SORD: variants seen among roughly 807,000 people sequenced by gnomAD.
SORD encodes sorbitol dehydrogenase.
SORD carries 18 observed loss-of-function variants against 35.6 expected under a neutral mutation model. That is an observed-to-expected ratio of 0.51 (90% confidence interval 0.35 to 0.75). The LOEUF (loss-of-function observed/expected upper bound fraction) is 0.75. SORD is among the 30% of genes least tolerant of loss of function. SORD has a pLI of 0.01. For synonymous variants in SORD, 106 were observed against 152.9 expected, an observed-to-expected ratio of 0.69 and a Z score of 2.26; for missense variants, 250 against 390.2, an observed-to-expected ratio of 0.64 and a Z score of 3.03.
intron 7 of SORD, among the ~76,000 whole-genome samples, chr15:45,071,086 A>G (rs1893505440): frequency 6.6e-6 from 1 of 152,220 alleles, no homozygotes; most frequent in Non-Finnish European, 1.5e-5. Flanking sequence ...ATGACTGGAT[A>G]GTGTTTGTGA....
chr15:45,038,178 TC>T (rs1892903951), intron 1 of SORD, among the ~76,000 whole-genome samples: 4 of 142,398 alleles, frequency 2.8e-5, no homozygotes, highest in African/African-American at 1.1e-4. Flanking sequence ...CTTCCTTCCT[TC>T]CTTCCTTCCT....
intron 6 of SORD, 43 bp from the exon 7 acceptor site, chr15:45,068,834 T>C (rs528528246): frequency 7.2e-7 from 1 of 1,394,622 alleles, no homozygotes. Context: ...ATCAGATTTC[T>C]CTTGTTTGAA....
Position 45,065,508 on chromosome 15 carries a change from A to C in SORD, c.544+119A>C, listed in dbSNP as rs1893390628. ...GTTCTAGAATCCTTCTGGGTAAGGG[A>C]GGATTGCAGTGTCCCATTCCCTCAG... On this transcript the variant is annotated intron_variant, in intron 5 of 8. Coordinates refer to ENST00000267814, the MANE Select transcript of SORD (RefSeq NM_003104.6). The C allele has an allele frequency of 6.1e-6, 9 of 1,473,438 alleles. No homozygotes were observed. The East Asian group carries it at 2.1e-4, about 34-fold the overall frequency. The allele number at this position is 1,473,438 out of a possible 1,614,324, so 91.3% of individuals were successfully genotyped here.
At chr15:45,060,693 G>A (rs548137041) in intron 3 of SORD, among the ~76,000 whole-genome samples, 47 of 152,332 alleles carry the variant, frequency 3.1e-4, no homozygotes, top group African/African-American at 1.1e-3. Flanking sequence ...AGCAGTGTGA[G>A]ATGGGAATAT....
intron 1 of SORD, among the ~76,000 whole-genome samples, chr15:45,030,919 T>G (rs946353517): frequency 2.0e-5 from 3 of 152,244 alleles, no homozygotes; most frequent in African/African-American, 7.2e-5. Flanking sequence ...AGCCTACTTG[T>G]GCTGACTCCG....
At chr15:45,027,298 C>A (rs550197834) in intron 1 of SORD, among the ~76,000 whole-genome samples, 3 of 152,286 alleles carry the variant, frequency 2.0e-5, no homozygotes, top group Admixed American at 2.0e-4. Flanking sequence ...GTTCCCAAAC[C>A]AGGCTGGGGA....
In SORD at chr15:45,035,473, G is replaced by C. The variant is rs917633991; in HGVS notation, c.67-4935G>C. ...CTGTATCTAGCTAATCTGGGGGGGA[G>C]GTGGAAAACCTTTGTGTCTAGCTCA... On this transcript the variant is annotated intron_variant, in intron 1 of 8. Coordinates refer to ENST00000267814, the MANE Select transcript of SORD (RefSeq NM_003104.6). Among the ~76,000 whole-genome samples the C allele has an allele frequency of 8.5e-5, 13 of 152,112 alleles. No individual in the cohort carries two copies. In the East Asian group the frequency reaches 9.7e-4, roughly 11 times the overall value.
intron 3 of SORD, among the ~76,000 whole-genome samples, chr15:45,046,441 CTA>C (rs1246293942): frequency 6.6e-6 from 1 of 152,140 alleles, no homozygotes; most frequent in Non-Finnish European, 1.5e-5. Flanking sequence ...ATGGGTTTCA[CTA>C]TGTTTGCCAA....
chr15:45,062,140 T>C (rs796692046), intron 4 of SORD, among the ~76,000 whole-genome samples: 11,185 of 143,174 alleles, frequency 0.078, 645 homozygotes, highest in African/African-American at 0.28. Context: ...GTTTGCATGC[T>C]TCAATTTATT....
chr15:45,058,880 G>A (rs1409245087), intron 3 of SORD, among the ~76,000 whole-genome samples: 3 of 152,228 alleles, frequency 2.0e-5, no homozygotes, highest in Non-Finnish European at 4.4e-5. Context: ...CTGCAAGCAT[G>A]TATTAGGCAA....
intron 1 of SORD, among the ~76,000 whole-genome samples, chr15:45,027,314 A>C (rs1054110441): frequency 2.6e-5 from 4 of 152,278 alleles, no homozygotes; most frequent in African/African-American, 2.4e-5. Flanking sequence ...GGGGAGCCAG[A>C]GTGGGGTTTA....
chr15:45,036,103 C>T, intron 1 of SORD: 1 of 282,654 alleles, frequency 3.5e-6, no homozygotes. Flanking sequence ...GCTGAGCCAG[C>T]GAGACCACGA....
chr15:45,056,298 G>A (rs1893213994), intron 3 of SORD, among the ~76,000 whole-genome samples: 2 of 151,902 alleles, frequency 1.3e-5, no homozygotes, highest in South Asian at 4.2e-4. Context: ...AAAGTCTCAG[G>A]ATACAAAATC....
chr15:45,029,977 A>G (rs755905184), intron 1 of SORD, among the ~76,000 whole-genome samples: 7 of 152,274 alleles, frequency 4.6e-5, no homozygotes, highest in Non-Finnish European at 1.0e-4. Context: ...TGAAGACACC[A>G]TGCAAAGGTG....
intron 3 of SORD, among the ~76,000 whole-genome samples, chr15:45,044,152 T>G (rs1893010377): frequency 6.6e-6 from 1 of 152,244 alleles, no homozygotes; most frequent in South Asian, 2.1e-4. Context: ...TTAGGGATGT[T>G]AAGTCATTCA....
At chr15:45,034,697 C>T (rs1313884789) in intron 1 of SORD, among the ~76,000 whole-genome samples, 1 of 152,134 alleles carries the variant, frequency 6.6e-6, no homozygotes, top group Non-Finnish European at 1.5e-5. Context: ...CCTCTTCGCT[C>T]TCCGCGCCTC....
chr15:45,052,864 G>A (rs544392292), intron 3 of SORD, among the ~76,000 whole-genome samples: 167 of 152,298 alleles, frequency 1.1e-3, no homozygotes, highest in Admixed American at 2.8e-3. Context: ...CATGAAGTCT[G>A]TAACTGAGCA....
chr15:45,027,336 A>G (rs1279260127), intron 1 of SORD, among the ~76,000 whole-genome samples: 1 of 152,268 alleles, frequency 6.6e-6, no homozygotes, highest in Non-Finnish European at 1.5e-5. Context: ...TCCCCCTTCT[A>G]CTGCTGCTAG....
chr15:45,049,836 A>T (rs529553611), intron 3 of SORD, among the ~76,000 whole-genome samples: 1 of 152,368 alleles, frequency 6.6e-6, no homozygotes, highest in South Asian at 2.1e-4. Flanking sequence ...TTTTAAGTAA[A>T]AACTTAAAAC....
Sources: allele counts gnomAD v4.1 joint callset (sites outside exome capture counted in the v4.1 genomes callset), GRCh38; gene constraint gnomAD v4.1.1; transcripts MANE v1.5; gene names NCBI Gene and HGNC (gene_info 2026-07-23, HGNC 2026-07-21).